The following FSTL4 variants were observed in gnomAD, a reference collection of about 807,000 sequenced individuals.
FSTL4 encodes the protein follistatin like 4.
Under a neutral mutation model 78.2 loss-of-function variants are expected in FSTL4, and 28 were observed. The ratio of observed to expected loss-of-function variants is 0.36; its 90% CI spans 0.27 to 0.49. The LOEUF (loss-of-function observed/expected upper bound fraction) is 0.49, where lower values mean the gene tolerates loss of function less well. Ranked by LOEUF, FSTL4 falls within the 20% of genes least tolerant of loss-of-function variation. FSTL4 has a pLI of 0.98. For synonymous variants in FSTL4, 422 were observed against 440.5 expected (o/e 0.96, Z 0.53); for missense variants, 922 against 1,084.9 (o/e 0.85, Z 2.11).
At chr5:133,681,107 C>T in the FSTL4 span, among the ~76,000 whole-genome samples, 1 of 152,242 alleles carries the variant, frequency 6.6e-6, no homozygotes, top group Non-Finnish European at 1.5e-5. Flanking sequence ...GTGAGCAGTG[C>T]AGCACCAATC....
chr5:133,444,543 G>C (rs1191609427), intron 3 of FSTL4, among the ~76,000 whole-genome samples: 2 of 152,154 alleles, frequency 1.3e-5, no homozygotes, highest in Non-Finnish European at 2.9e-5. Context: ...TTTCTCTCTT[G>C]CTAGACCAAC....
chr5:133,541,000 C>A (rs1315665799), intron 3 of FSTL4, among the ~76,000 whole-genome samples: 2 of 152,130 alleles, frequency 1.3e-5, no homozygotes, highest in African/African-American at 4.8e-5. Context: ...ACAGCCCCTG[C>A]AAGCTTTCAC....
At chr5:133,223,104 A>G (rs1751204045) in intron 11 of FSTL4, among the ~76,000 whole-genome samples, 1 of 151,904 alleles carries the variant, frequency 6.6e-6, no homozygotes, top group South Asian at 2.1e-4. Flanking sequence ...CTTTGTAGTA[A>G]CCTCCCCTAA....
At chr5:133,656,708 G>T in the FSTL4 span, among the ~76,000 whole-genome samples, 1 of 152,310 alleles carries the variant, frequency 6.6e-6, no homozygotes, top group East Asian at 1.9e-4. Flanking sequence ...GTAAGGATGT[G>T]TGTGCCTTGA....
chr5:133,320,940 C>G (rs1049836176), intron 4 of FSTL4, among the ~76,000 whole-genome samples: 14 of 140,808 alleles, frequency 9.9e-5, no homozygotes, highest in South Asian at 2.2e-4. Flanking sequence ...CCGGGAGGCA[C>G]AGCTTGCAGT....
chr5:133,483,664 A>G (rs1758073972), intron 3 of FSTL4, among the ~76,000 whole-genome samples: 1 of 152,190 alleles, frequency 6.6e-6, no homozygotes, highest in African/African-American at 2.4e-5. Flanking sequence ...GGAGCTTCTC[A>G]TGATAAGTCT....
At chr5:133,318,796 C>A (rs190054196) in intron 4 of FSTL4, among the ~76,000 whole-genome samples, 1 of 152,350 alleles carries the variant, frequency 6.6e-6, no homozygotes, top group East Asian at 1.9e-4. Context: ...GCAGATCCCC[C>A]CAACCTTCCT....
Position 133,249,271 on chromosome 5 carries a change from C to T in FSTL4, c.894+139G>A, listed in dbSNP as rs924188099. On this transcript the variant is annotated intron_variant, in intron 7 of 15. Transcript: ENST00000265342. Reference sequence around the variant, plus strand: ...ACTTGGATTTTCTGATACTGCCAAGCTGACAACAGGCTAGAAAAGCACCAA... The same window carrying T: ...ACTTGGATTTTCTGATACTGCCAAGTTGACAACAGGCTAGAAAAGCACCAA... The T allele has an allele frequency of 8.8e-6, 6 of 678,220 alleles. No homozygotes were observed. In the African/African-American group the frequency reaches 1.1e-4, roughly 12 times the overall value. 42.0% of individuals were successfully genotyped at this position (678,220 alleles called of 1,614,324 possible). A position where few individuals can be genotyped will look rare whatever the true frequency, so the allele number is the denominator to read the frequency against.
At chr5:133,569,517 C>A (rs1342752295) in intron 2 of FSTL4, among the ~76,000 whole-genome samples, 1 of 152,150 alleles carries the variant, frequency 6.6e-6, no homozygotes, top group Non-Finnish European at 1.5e-5. Flanking sequence ...CTGTTTCCCT[C>A]TAGTGGAATG....
At chr5:133,682,520 C>A in the FSTL4 span, among the ~76,000 whole-genome samples, 1 of 152,222 alleles carries the variant, frequency 6.6e-6, no homozygotes, top group African/African-American at 2.4e-5. Flanking sequence ...CAGGAAAAGT[C>A]TTTAAGGAAA....
chr5:133,224,242 C>A, intron 10 of FSTL4, 26 bp from the exon 11 acceptor site: 2 of 1,604,452 alleles, frequency 1.2e-6, no homozygotes, highest in Non-Finnish European at 1.7e-6. Flanking sequence ...ATGAGGAAAG[C>A]AGGAGTGTGA....
chr5:133,276,470 G>A (rs951543051), intron 6 of FSTL4, among the ~76,000 whole-genome samples: 4 of 152,184 alleles, frequency 2.6e-5, no homozygotes, highest in African/African-American at 9.7e-5. Flanking sequence ...CTTGAAAAGT[G>A]TCCCTGACCC....
chr5:133,718,569 T>C, the FSTL4 span, among the ~76,000 whole-genome samples: 1 of 152,356 alleles, frequency 6.6e-6, no homozygotes, highest in East Asian at 1.9e-4. Context: ...TATTTTGACG[T>C]AGAAAATTTT....
chr5:133,476,464 T>C (rs1757926940), intron 3 of FSTL4, among the ~76,000 whole-genome samples: 1 of 152,150 alleles, frequency 6.6e-6, no homozygotes, highest in East Asian at 1.9e-4. Flanking sequence ...CTCAGGAAAA[T>C]TTAAGACTGA....
chr5:133,643,013 T>TA, the FSTL4 span, among the ~76,000 whole-genome samples: 1 of 152,142 alleles, frequency 6.6e-6, no homozygotes, highest in South Asian at 2.1e-4. Context: ...CCTTAGAAAA[T>TA]GTATGTCTAT....
intron 3 of FSTL4, among the ~76,000 whole-genome samples, chr5:133,417,099 A>G (rs769330945): frequency 1.3e-5 from 2 of 152,278 alleles, no homozygotes; most frequent in African/African-American, 2.4e-5. Flanking sequence ...AAAAATGCCA[A>G]ATAAACTAAA....
chr5:133,551,412 G>A (rs1481637824), intron 3 of FSTL4, among the ~76,000 whole-genome samples: 2 of 152,128 alleles, frequency 1.3e-5, no homozygotes, highest in African/African-American at 2.4e-5. Context: ...ACAATACTGC[G>A]ACTCAGAAAG....
chr5:133,690,200 A>G, the FSTL4 span, among the ~76,000 whole-genome samples: 9 of 152,028 alleles, frequency 5.9e-5, no homozygotes, highest in African/African-American at 2.2e-4. Context: ...CCTCTCTGTC[A>G]CCTAAAATGA....
chr5:133,823,747 G>A, the FSTL4 span, among the ~76,000 whole-genome samples: 31 of 152,224 alleles, frequency 2.0e-4, no homozygotes, highest in African/African-American at 7.5e-4. Context: ...GGCTGATTGG[G>A]TGGCTTTCTG....
Sources: allele counts gnomAD v4.1 joint callset (sites outside exome capture counted in the v4.1 genomes callset), GRCh38; gene constraint gnomAD v4.1.1; transcripts MANE v1.5; gene names NCBI Gene and HGNC (gene_info 2026-07-23, HGNC 2026-07-21).